The following SUGCT variants were observed in gnomAD, a reference collection of about 807,000 sequenced individuals.
The protein encoded by SUGCT is succinyl-CoA:glutarate-CoA transferase.
A neutral mutation model predicts 55.0 loss-of-function variants in SUGCT; 41 were observed. The ratio of observed to expected loss-of-function variants is 0.74; its 90% CI spans 0.58 to 0.97. SUGCT has a LOEUF of 0.97. SUGCT is among the 50% of genes least tolerant of loss of function. The pLI, the probability that SUGCT is intolerant of heterozygous loss-of-function variation, is 0.00. For missense variants in SUGCT, 568 were observed against 547.8 expected, an observed-to-expected ratio of 1.04 and a Z score of -0.37; for synonymous variants, 187 against 200.4, an observed-to-expected ratio of 0.93 and a Z score of 0.56.
intron 9 of SUGCT, among the ~76,000 whole-genome samples, chr7:40,401,038 T>C (rs893275076): frequency 1.3e-5 from 2 of 152,234 alleles, no homozygotes; most frequent in African/African-American, 2.4e-5. Flanking sequence ...TGTTACTCTT[T>C]AGCTGTAATT....
At chr7:40,440,495 A>G (rs1788456731) in intron 9 of SUGCT, among the ~76,000 whole-genome samples, 1 of 152,032 alleles carries the variant, frequency 6.6e-6, no homozygotes, top group Admixed American at 6.6e-5. Context: ...TTCACCTGGT[A>G]CCCAAGTCTT....
chr7:40,336,728 T>C (rs1201869610), intron 9 of SUGCT, among the ~76,000 whole-genome samples: 3 of 152,252 alleles, frequency 2.0e-5, no homozygotes, highest in African/African-American at 7.2e-5. Flanking sequence ...TTTTGAAGGG[T>C]TTTTTGTGTC....
At chr7:40,264,014 C>T (rs1053320377) in intron 7 of SUGCT, among the ~76,000 whole-genome samples, 3 of 152,008 alleles carry the variant, frequency 2.0e-5, no homozygotes, top group Non-Finnish European at 4.4e-5. Flanking sequence ...CTGTTCTGGT[C>T]TGCAATGTAA....
intron 11 of SUGCT, among the ~76,000 whole-genome samples, chr7:40,470,661 A>C (rs896628944): frequency 1.3e-5 from 2 of 151,960 alleles, no homozygotes; most frequent in Admixed American, 6.6e-5. Flanking sequence ...CATAGCACTC[A>C]CGGAATAATT....
the SUGCT span, among the ~76,000 whole-genome samples, chr7:40,991,820 C>T: frequency 1.3e-5 from 2 of 152,042 alleles, no homozygotes; most frequent in Non-Finnish European, 2.9e-5. Flanking sequence ...AGGACGAGCA[C>T]GTATCAGAAG....
At chr7:40,477,434 A>G (rs1790761329) in intron 11 of SUGCT, among the ~76,000 whole-genome samples, 1 of 152,156 alleles carries the variant, frequency 6.6e-6, no homozygotes, top group Non-Finnish European at 1.5e-5. Context: ...TACTGTATAC[A>G]TGCAAAAGCG....
At chr7:40,393,409 G>A (rs1403566766) in intron 9 of SUGCT, among the ~76,000 whole-genome samples, 1 of 152,192 alleles carries the variant, frequency 6.6e-6, no homozygotes, top group African/African-American at 2.4e-5. Flanking sequence ...TGCAAGAAGC[G>A]ATTTGATAGA....
chr7:40,935,602 G>A, the SUGCT span, among the ~76,000 whole-genome samples: 97 of 152,150 alleles, frequency 6.4e-4, no homozygotes, highest in Middle Eastern at 3.4e-3. Context: ...TTTTATGGCC[G>A]AATAATATTC....
chr7:40,556,853 A>G (rs146911388), intron 12 of SUGCT, among the ~76,000 whole-genome samples: 56 of 152,356 alleles, frequency 3.7e-4, no homozygotes, highest in Admixed American at 7.8e-4. Flanking sequence ...GCGTTGAATG[A>G]CATTAAAATA....
intron 9 of SUGCT, among the ~76,000 whole-genome samples, chr7:40,354,970 C>T (rs1797819821): frequency 6.6e-6 from 1 of 152,066 alleles, no homozygotes; most frequent in Non-Finnish European, 1.5e-5. Flanking sequence ...CTTACATTGA[C>T]TCAGATTTCA....
intron 12 of SUGCT, among the ~76,000 whole-genome samples, chr7:40,508,563 G>T (rs1583859579): frequency 6.6e-6 from 1 of 152,200 alleles, no homozygotes; most frequent in Middle Eastern, 3.4e-3. Context: ...TGTAGAGCTT[G>T]GTAGTGATGG....
At chr7:40,962,030 G>T in the SUGCT span, among the ~76,000 whole-genome samples, 1 of 152,024 alleles carries the variant, frequency 6.6e-6, no homozygotes, top group Non-Finnish European at 1.5e-5. Flanking sequence ...GGCTTGGGTG[G>T]CCTGCTTTTA....
the SUGCT span, among the ~76,000 whole-genome samples, chr7:40,872,027 T>G: frequency 6.6e-6 from 1 of 150,400 alleles, no homozygotes. Flanking sequence ...TGGAGGGGAG[T>G]GTGGGGGGAG....
intron 12 of SUGCT, among the ~76,000 whole-genome samples, chr7:40,599,300 G>A (rs1798177115): frequency 1.3e-5 from 2 of 152,172 alleles, no homozygotes; most frequent in South Asian, 4.1e-4. Context: ...AAATTAAATT[G>A]TTCGCTGTAA....
chr7:40,795,811 T>A (rs962063252), intron 13 of SUGCT, among the ~76,000 whole-genome samples: 3 of 152,180 alleles, frequency 2.0e-5, no homozygotes, highest in African/African-American at 7.2e-5. Flanking sequence ...GAAAATGGAC[T>A]ATGGGAACTT....
chr7:40,895,890 T>C, the SUGCT span, among the ~76,000 whole-genome samples: 2 of 152,190 alleles, frequency 1.3e-5, no homozygotes, highest in Non-Finnish European at 2.9e-5. Flanking sequence ...TAACAGCTAA[T>C]ATCATTTTTA....
At chr7:40,199,554 G>A (rs185691397) in intron 6 of SUGCT, among the ~76,000 whole-genome samples, 1 of 152,208 alleles carries the variant, frequency 6.6e-6, no homozygotes, top group African/African-American at 2.4e-5. Context: ...AAGTACAATG[G>A]TATTTCCCCT....
intron 9 of SUGCT, among the ~76,000 whole-genome samples, chr7:40,413,134 T>C (rs1048544463): frequency 2.0e-5 from 3 of 152,282 alleles, no homozygotes; most frequent in Admixed American, 6.5e-5. Flanking sequence ...ACATCTAACA[T>C]TGAATGGCTG....
rs192310404 is a variant in SUGCT, at chr7:40,569,912, A to G, written c.1089+73526A>G. 2.6e-3 allele frequency among the ~76,000 whole-genome samples: 394 copies of G among 152,254 alleles called. 2 individuals are homozygous for G. Among genetic ancestry groups the G allele is most frequent in the African/African-American group, 8.7e-3 (360 of 41,548 alleles). On this transcript the variant is annotated intron_variant, in intron 12 of 13. Transcript: ENST00000335693. Reference sequence around the variant, plus strand: ...CTGATTGGAAAAATTGTTAGGCAAAAATTTATGCGATTATTCTTTCACCAA... The same window carrying G: ...CTGATTGGAAAAATTGTTAGGCAAAGATTTATGCGATTATTCTTTCACCAA...
Sources: gnomAD v4.1 joint callset for allele counts (sites outside exome capture counted in the v4.1 genomes callset) on GRCh38, gnomAD v4.1.1 for gene constraint, MANE v1.5 for transcripts, NCBI Gene and HGNC (gene_info 2026-07-23, HGNC 2026-07-21) for gene names.